COL22A1: variants seen among roughly 807,000 people sequenced by gnomAD.
COL22A1 encodes the protein collagen type XXII alpha 1 chain, also known as collagen alpha-1(XXII) chain.
COL22A1 carries 221 observed loss-of-function variants against 248.9 expected under a neutral mutation model. The observed-to-expected ratio is 0.89, with a 90% CI of 0.80 to 0.99. The LOEUF (loss-of-function observed/expected upper bound fraction) is 0.99. Among genes scored for constraint, COL22A1 ranks in the 50% least tolerant of loss-of-function variants. COL22A1 has a pLI of 0.00. For synonymous variants in COL22A1, 891 were observed against 793.4 expected (o/e 1.12, Z -2.07); for missense variants, 2,240 against 2,179.0 (o/e 1.03, Z -0.56).
At chr8:138,883,486 A>C (rs967226953) in intron 1 of COL22A1, among the ~76,000 whole-genome samples, 4 of 152,132 alleles carry the variant, frequency 2.6e-5, no homozygotes, top group African/African-American at 9.7e-5. Context: ...TGCAGAAGGG[A>C]GTAGGAGAGG....
chr8:138,606,419 G>A lies in COL22A1; in HGVS notation c.4066C>T (p.Pro1356Ser), dbSNP rs1419182255. The change falls in exon 58 of 65, where the codon CCA becomes TCA. Residue 1356 changes from proline (P) to serine (S), a missense_variant. By Grantham distance (74) the Pro-to-Ser change is moderately conservative. Coordinates refer to ENST00000303045, the MANE Select transcript of COL22A1 (RefSeq NM_152888.3). ...QKGSKGENGS[P>S]GLPGFLGPRG... ...GGACCCAGGAAGCCAGGAAGTCCTG[G>A]GCTGCCATTTTCCCCTTTGCTTCCT... 6.2e-7 allele frequency: 1 copy of A among 1,613,668 alleles called. No homozygotes were observed. The highest frequency in any genetic ancestry group is 2.2e-5 in the East Asian group (1 of 44,848).
chr8:138,907,716 G>A (rs1473241111), intron 1 of COL22A1, among the ~76,000 whole-genome samples: 3 of 152,178 alleles, frequency 2.0e-5, no homozygotes, highest in Non-Finnish European at 2.9e-5. Flanking sequence ...TACAGGCTGG[G>A]AAATCCCAGT....
intron 3 of COL22A1, among the ~76,000 whole-genome samples, chr8:138,876,579 G>A (rs78271068): frequency 0.012 from 1,786 of 152,300 alleles, 19 homozygotes; most frequent in Non-Finnish European, 0.017. Context: ...AGAGAAAAGG[G>A]TCATACTGTG....
In COL22A1 at chr8:138,601,474, A is replaced by G. The variant is rs1352907527; in HGVS notation, c.4185+641T>C. On this transcript the variant is annotated intron_variant, in intron 60 of 64. Coordinates refer to ENST00000303045, the MANE Select transcript of COL22A1 (RefSeq NM_152888.3). ...TGGGACGTCCATGTCCGTGTCGTGCAACAGTGTGACAGCGTGAGGCTGACC... is the reference window on the plus strand; with the variant it reads ...TGGGACGTCCATGTCCGTGTCGTGCGACAGTGTGACAGCGTGAGGCTGACC... Among the ~76,000 whole-genome samples the G allele has an allele frequency of 3.9e-5, 6 of 152,156 alleles. No individual in the cohort carries two copies. In the East Asian group the frequency reaches 1.2e-3, roughly 29 times the overall value.
intron 3 of COL22A1, among the ~76,000 whole-genome samples, chr8:138,865,373 T>C (rs1234174765): frequency 6.6e-6 from 1 of 152,158 alleles, no homozygotes; most frequent in Admixed American, 6.5e-5. Flanking sequence ...GGTATGTTTG[T>C]ATGCCTGTGT....
At chr8:138,781,304 G>A (rs1233527698) in intron 12 of COL22A1, among the ~76,000 whole-genome samples, 1 of 152,132 alleles carries the variant, frequency 6.6e-6, no homozygotes, top group African/African-American at 2.4e-5. Context: ...CCCTGGGCTT[G>A]GTCTCATATG....
At chr8:138,895,805 T>A (rs1283803520) in intron 1 of COL22A1, among the ~76,000 whole-genome samples, 1 of 152,182 alleles carries the variant, frequency 6.6e-6, no homozygotes. Flanking sequence ...AAGCTGTAGA[T>A]CCTATTTATC....
At position 138,642,943 on chromosome 8, in the gene COL22A1, C is replaced by T. The variant is rs137885214; in HGVS notation, c.3501+3686G>A. 2.6e-3 allele frequency among the ~76,000 whole-genome samples: 395 copies of T among 151,620 alleles called. 1 individual carries two copies. The highest frequency in any genetic ancestry group is 7.2e-3 in the African/African-American group (296 of 41,302). ...ACTCAGGGGGCTGAGGCAGGAGAAT[C>T]GCTTGAACCTGGGAGGTGGAAGTTG... On this transcript the variant is annotated intron_variant, in intron 47 of 64. Transcript: ENST00000303045.
At chr8:138,795,188 G>T (rs943823668) in intron 12 of COL22A1, among the ~76,000 whole-genome samples, 22 of 152,154 alleles carry the variant, frequency 1.4e-4, no homozygotes, top group African/African-American at 4.6e-4. Flanking sequence ...CATGGAAAGC[G>T]GCAGGAGATT....
intron 23 of COL22A1, among the ~76,000 whole-genome samples, chr8:138,727,484 G>A (rs779959601): frequency 3.4e-4 from 51 of 152,160 alleles, no homozygotes; most frequent in Admixed American, 2.6e-3. Flanking sequence ...AAATGCTTGA[G>A]GCAATCTCCT....
At chr8:138,808,704 T>C (rs1354860723) in intron 9 of COL22A1, among the ~76,000 whole-genome samples, 1 of 152,158 alleles carries the variant, frequency 6.6e-6, no homozygotes, top group Non-Finnish European at 1.5e-5. Context: ...CATCCATTTA[T>C]GTGTTCACTT....
At chr8:138,617,473 C>T (rs1163508898) in intron 53 of COL22A1, among the ~76,000 whole-genome samples, 2 of 152,110 alleles carry the variant, frequency 1.3e-5, no homozygotes, top group Non-Finnish European at 2.9e-5. Context: ...CTGGGGTCTC[C>T]TTGTCCAGAG....
chr8:138,737,948 A>G (rs2131259854), intron 22 of COL22A1, among the ~76,000 whole-genome samples: 1 of 152,244 alleles, frequency 6.6e-6, no homozygotes, highest in Non-Finnish European at 1.5e-5. Context: ...ATTTTCCCAG[A>G]GAGATTTTAT....
At chr8:138,651,631 C>T (rs1479720583) in intron 45 of COL22A1, among the ~76,000 whole-genome samples, 1 of 150,794 alleles carries the variant, frequency 6.6e-6, no homozygotes, top group Non-Finnish European at 1.5e-5. Flanking sequence ...GAAAGAGTAG[C>T]AGAGCTGAAA....
At chr8:138,679,006 C>T (rs1288321930) in intron 40 of COL22A1, among the ~76,000 whole-genome samples, 1 of 152,154 alleles carries the variant, frequency 6.6e-6, no homozygotes, top group Non-Finnish European at 1.5e-5. Context: ...GCTTTGACCT[C>T]TCAAGTTCAA....
chr8:138,782,136 T>C (rs1162767466), intron 12 of COL22A1, among the ~76,000 whole-genome samples: 1 of 152,256 alleles, frequency 6.6e-6, no homozygotes, highest in Non-Finnish European at 1.5e-5. Flanking sequence ...CAGTGTGATA[T>C]TGAAAAGAAA....
chr8:138,686,501 T>C (rs1826364947), intron 37 of COL22A1, among the ~76,000 whole-genome samples: 1 of 152,170 alleles, frequency 6.6e-6, no homozygotes. Context: ...AGAGGGCCTC[T>C]CTCCAAGCCT....
chr8:138,913,967 AG>A lies in COL22A1; in HGVS notation c.-422del, dbSNP rs1298504711. ...AAGCGGAGAAGACACTTCCTTGGGGAGAAACGCCGCAGCCTCGGCCAGCCCC... is the reference window on the plus strand; with the variant it reads ...AAGCGGAGAAGACACTTCCTTGGGGAAAACGCCGCAGCCTCGGCCAGCCCC... On this transcript the variant is annotated 5_prime_UTR_variant, in exon 1 of 65. Transcript: ENST00000303045. The A allele has an allele frequency of 6.5e-6, 1 of 152,826 alleles. No individual in the cohort carries two copies. Among genetic ancestry groups the A allele is most frequent in the Admixed American group, 6.5e-5 (1 of 15,294 alleles). 9.5% of individuals were successfully genotyped at this position (152,826 alleles called of 1,614,324 possible). A position where few individuals can be genotyped will look rare whatever the true frequency, so the allele number is the denominator to read the frequency against.
chr8:138,771,395 G>A (rs1834354828), intron 16 of COL22A1, among the ~76,000 whole-genome samples: 2 of 152,188 alleles, frequency 1.3e-5, no homozygotes, highest in Non-Finnish European at 2.9e-5. Flanking sequence ...TTTCTAACAG[G>A]CCACAGGGCA....
Sources: allele counts gnomAD v4.1 joint callset (sites outside exome capture counted in the v4.1 genomes callset), GRCh38; gene constraint gnomAD v4.1.1; transcripts MANE v1.5; gene names NCBI Gene and HGNC (gene_info 2026-07-23, HGNC 2026-07-21).